OSBPL9: variants seen among roughly 807,000 people sequenced by gnomAD.
OSBPL9 encodes the protein oxysterol-binding protein-related protein 9.
Under a neutral mutation model 106.6 loss-of-function variants are expected in OSBPL9, and 40 were observed. The ratio of observed to expected loss-of-function variants is 0.38; its 90% CI spans 0.29 to 0.49. OSBPL9 has a LOEUF of 0.49. OSBPL9 is among the 20% of genes least tolerant of loss of function. The pLI is 0.97. For synonymous variants in OSBPL9, 269 were observed against 295.4 expected (o/e 0.91, Z 0.92); for missense variants, 609 against 887.2 (o/e 0.69, Z 3.98).
rs752758749 is a variant in OSBPL9 at position 51,784,481 on chromosome 1, A to G, written c.1728A>G (p.Glu576=). The change falls in exon 20 of 24, where the codon GAA becomes GAG. Residue 576 remains glutamate, a synonymous_variant. Transcript: ENST00000428468. ...LTVPWVELGG[E]CNINCSKTGY... ...TGCCCTGGGTGGAATTAGGAGGAGA[A>G]TGCAATATTAATTGTTCCAAAACAG... 13 of 1,613,960 alleles carry G rather than the reference A, an allele frequency of 8.1e-6. No homozygotes were observed. Among genetic ancestry groups the G allele is most frequent in the Non-Finnish European group, 1.1e-5 (13 of 1,179,896 alleles).
At chr1:51,749,561 T>C in intron 7 of OSBPL9, 1 of 404,598 alleles carries the variant, frequency 2.5e-6, no homozygotes, top group Non-Finnish European at 5.2e-6. Context: ...TCCTCCTTCC[T>C]TGGCCTACCA....
chr1:51,757,789 A>G (rs969499178), intron 9 of OSBPL9, among the ~76,000 whole-genome samples: 1 of 152,154 alleles, frequency 6.6e-6, no homozygotes, highest in African/African-American at 2.4e-5. Context: ...TGACCTTGGC[A>G]AATTACTTAA....
chr1:51,736,642 C>T lies in OSBPL9; in HGVS notation c.319-8894C>T, dbSNP rs151070683. 3.8e-3 allele frequency among the ~76,000 whole-genome samples: 576 copies of T among 152,204 alleles called. 1 individual carries two copies. Among genetic ancestry groups the T allele is most frequent in the African/African-American group, 0.013 (542 of 41,532 alleles). Reference sequence around the variant, plus strand: ...CTAAAGTACTCAGTTTAAGGATTCACGTATTTAATGTTAATTTTTCCTAGT... The same window carrying T: ...CTAAAGTACTCAGTTTAAGGATTCATGTATTTAATGTTAATTTTTCCTAGT... On this transcript the variant is annotated intron_variant, in intron 4 of 23. Transcript: ENST00000428468.
At chr1:51,547,403 A>G in the OSBPL9 span, among the ~76,000 whole-genome samples, 1 of 152,258 alleles carries the variant, frequency 6.6e-6, no homozygotes, top group Admixed American at 6.5e-5. Context: ...TGCGATTAAA[A>G]CATGATGTTA....
chr1:51,762,049 G>C, intron 11 of OSBPL9, 78 bp downstream of exon 11: 1 of 1,010,468 alleles, frequency 9.9e-7, no homozygotes. Flanking sequence ...TGATGAGGAG[G>C]GGGAAAGTTG....
rs1451411526 is a variant in OSBPL9, at chr1:51,789,036, TG to T, written c.*1248del. ...CTTTCTGGTCTCGCTTGGCCCATTC[TG>T]CTAATTTTCCTTTGCCAGCTCCTAC... On this transcript the variant is annotated 3_prime_UTR_variant, in exon 24 of 24. Transcript: ENST00000428468. Among the ~76,000 whole-genome samples, 3 of 152,208 alleles carry T rather than the reference TG, an allele frequency of 2.0e-5. No homozygotes were observed. Among genetic ancestry groups the T allele is most frequent in the African/African-American group, 7.2e-5 (3 of 41,456 alleles).
intron 4 of OSBPL9, among the ~76,000 whole-genome samples, chr1:51,718,726 C>T (rs754545770): frequency 3.9e-5 from 6 of 152,120 alleles, no homozygotes; most frequent in African/African-American, 1.4e-4. Context: ...TGTTGGTTTC[C>T]AATTGAATCC....
At chr1:51,552,187 C>T in the OSBPL9 span, among the ~76,000 whole-genome samples, 9 of 152,264 alleles carry the variant, frequency 5.9e-5, no homozygotes, top group South Asian at 1.9e-3. Context: ...CTTCCTTATA[C>T]TTTTCTTGTT....
intron 9 of OSBPL9, chr1:51,760,385 G>A (rs148293625): frequency 4.5e-4 from 116 of 257,476 alleles, no homozygotes; most frequent in Non-Finnish European, 7.2e-4. Context: ...GAGAAGCACC[G>A]AATTGAATTG....
chr1:51,786,665 T>C (rs1211596893), intron 22 of OSBPL9, 48 bp downstream of exon 22: 2 of 1,502,546 alleles, frequency 1.3e-6, no homozygotes, highest in Non-Finnish European at 1.8e-6. Context: ...GCTTAAACTT[T>C]GCCTAGGCGT....
chr1:51,633,010 C>T (rs1007422020), intron 1 of OSBPL9, among the ~76,000 whole-genome samples: 2 of 151,960 alleles, frequency 1.3e-5, no homozygotes, highest in Admixed American at 1.3e-4. Context: ...TTACTCTGTC[C>T]TCCAGGCTGG....
At chr1:51,622,928 C>A (rs533511006) in intron 1 of OSBPL9, among the ~76,000 whole-genome samples, 1 of 152,246 alleles carries the variant, frequency 6.6e-6, no homozygotes, top group East Asian at 1.9e-4. Context: ...CCACCACAAT[C>A]ACAATTTAAG....
intron 1 of OSBPL9, among the ~76,000 whole-genome samples, chr1:51,627,708 G>A (rs1298803872): frequency 6.6e-6 from 1 of 151,002 alleles, no homozygotes; most frequent in African/African-American, 2.4e-5. Flanking sequence ...TTTGAAAAAT[G>A]TCTCTCCTAA....
intron 4 of OSBPL9, among the ~76,000 whole-genome samples, chr1:51,735,522 AC>A (rs1046432217): frequency 6.6e-6 from 1 of 152,060 alleles, no homozygotes; most frequent in Non-Finnish European, 1.5e-5. Context: ...CGTCCTTATA[AC>A]TTTCTCCTTT....
At chr1:51,743,558 G>GATCACT (rs1667372199) in intron 4 of OSBPL9, among the ~76,000 whole-genome samples, 1 of 152,094 alleles carries the variant, frequency 6.6e-6, no homozygotes, top group Non-Finnish European at 1.5e-5. Flanking sequence ...AATACTTAAA[G>GATCACT]ATCACTTTTC....
chr1:51,571,166 T>C, the OSBPL9 span, among the ~76,000 whole-genome samples: 1 of 152,198 alleles, frequency 6.6e-6, no homozygotes, highest in Admixed American at 6.5e-5. Flanking sequence ...TGAATAATTT[T>C]TAGCTTCTGA....
chr1:51,669,342 G>A (rs574184826), intron 2 of OSBPL9, 92 bp from the exon 3 acceptor site: 189 of 1,023,556 alleles, frequency 1.8e-4, no homozygotes, highest in Admixed American at 7.9e-4. Context: ...TTCCAGTGTC[G>A]TTGGTGCATT....
intron 1 of OSBPL9, among the ~76,000 whole-genome samples, chr1:51,634,781 A>G (rs898666509): frequency 3.3e-5 from 5 of 152,142 alleles, no homozygotes; most frequent in African/African-American, 1.2e-4. Context: ...AAGAGGTTTA[A>G]TGGACTCTCA....
At chr1:51,575,964 C>A (rs941393212), upstream of OSBPL9, among the ~76,000 whole-genome samples, 1 of 152,222 alleles carries the variant, frequency 6.6e-6, no homozygotes, top group African/African-American at 2.4e-5. Flanking sequence ...TATCCTGGCC[C>A]AAGCCCCTTT....
Sources: allele counts gnomAD v4.1 joint callset (sites outside exome capture counted in the v4.1 genomes callset), GRCh38; gene constraint gnomAD v4.1.1; transcripts MANE v1.5; gene names NCBI Gene and HGNC (gene_info 2026-07-23, HGNC 2026-07-21).